Variants in LOC400499 observed in about 807,000 individuals in gnomAD.
the LOC400499 span, chr16:11,399,196 A>G: frequency 2.0e-6 from 2 of 984,742 alleles, no homozygotes; most frequent in African/African-American, 3.5e-5. Context: ...CCCCCTCCCG[A>G]GAAGCCCCCT....
chr16:11,443,368 G>C, the LOC400499 span: 1 of 408,786 alleles, frequency 2.4e-6, no homozygotes, highest in Admixed American at 3.1e-5. Flanking sequence ...ATGATCGGAG[G>C]GGTCTGTGCA....
the LOC400499 span, among the ~76,000 whole-genome samples, chr16:11,515,471 ATACGTACG>A: frequency 3.4e-5 from 5 of 145,118 alleles, no homozygotes; most frequent in African/African-American, 1.4e-4. Context: ...AAATACATAC[ATACGTACG>A]TACATACATA....
the LOC400499 span, chr16:11,471,847 G>A: frequency 5.0e-6 from 2 of 399,148 alleles, no homozygotes; most frequent in Non-Finnish European, 4.4e-6. Context: ...GGCAGCACTG[G>A]TCAGTGGAGA....
At chr16:11,506,698 A>G in the LOC400499 span, among the ~76,000 whole-genome samples, 1 of 151,942 alleles carries the variant, frequency 6.6e-6, no homozygotes, top group Non-Finnish European at 1.5e-5. Context: ...GGGCCTCTCT[A>G]TGGAAGGCCC....
chr16:11,483,889 T>A, the LOC400499 span, among the ~76,000 whole-genome samples: 1 of 150,552 alleles, frequency 6.6e-6, no homozygotes, highest in Admixed American at 6.6e-5. Flanking sequence ...AAGGACATGC[T>A]GTGTGATCTA....
chr16:11,392,763 C>G, the LOC400499 span: 10 of 983,960 alleles, frequency 1.0e-5, no homozygotes, highest in South Asian at 1.4e-4. Flanking sequence ...GACACCAAGG[C>G]AGGAGTACAG....
chr16:11,449,404 C>T, the LOC400499 span, among the ~76,000 whole-genome samples: 313 of 152,288 alleles, frequency 2.1e-3, 1 homozygote, highest in Non-Finnish European at 3.5e-3. Context: ...TTACTAGTAG[C>T]CAGGGTGTCT....
chr16:11,456,220 T>C, the LOC400499 span, among the ~76,000 whole-genome samples: 2 of 152,080 alleles, frequency 1.3e-5, no homozygotes, highest in African/African-American at 4.8e-5. Context: ...AATTTTTGTA[T>C]TTTTAGCAGA....
At chr16:11,477,775 T>C in the LOC400499 span, 1 of 398,436 alleles carries the variant, frequency 2.5e-6, no homozygotes, top group Non-Finnish European at 4.4e-6. Flanking sequence ...TCTGTAGGGA[T>C]GGGATCCCAC....
the LOC400499 span, among the ~76,000 whole-genome samples, chr16:11,416,946 CA>C: frequency 2.9e-3 from 438 of 152,222 alleles, 3 homozygotes; most frequent in African/African-American, 0.01. Flanking sequence ...CTTTGACTTT[CA>C]CCCTGTGTGA....
chr16:11,411,698 A>C, the LOC400499 span, among the ~76,000 whole-genome samples: 1 of 151,818 alleles, frequency 6.6e-6, no homozygotes. Flanking sequence ...GAGTCCATCA[A>C]TGAGCTTTCT....
the LOC400499 span, chr16:11,461,011 C>T: frequency 0.46 from 707,186 of 1,535,726 alleles, 170,992 homozygotes; most frequent in Non-Finnish European, 0.51. Flanking sequence ...GAGCTGGCCC[C>T]GTTGCTGCAG....
the LOC400499 span, among the ~76,000 whole-genome samples, chr16:11,453,381 C>G: frequency 1.3e-5 from 2 of 152,080 alleles, no homozygotes; most frequent in South Asian, 4.2e-4. Context: ...AGCACATATC[C>G]AAGGCTGGCT....
chr16:11,404,509 G>A, the LOC400499 span, among the ~76,000 whole-genome samples: 2 of 152,132 alleles, frequency 1.3e-5, no homozygotes, highest in East Asian at 1.9e-4. Context: ...ACCATGCCTG[G>A]CTAATTTTTG....
the LOC400499 span, among the ~76,000 whole-genome samples, chr16:11,453,008 T>C: frequency 6.6e-6 from 1 of 152,208 alleles, no homozygotes; most frequent in Non-Finnish European, 1.5e-5. Flanking sequence ...TCTCACTTTC[T>C]CCACTTTTAT....
chr16:11,466,162 T>G, the LOC400499 span, among the ~76,000 whole-genome samples: 1 of 152,156 alleles, frequency 6.6e-6, no homozygotes, highest in Admixed American at 6.6e-5. Flanking sequence ...CTCCATGTGC[T>G]GACTGTGTGC....
At chr16:11,414,359 G>C in the LOC400499 span, 2 of 399,296 alleles carry the variant, frequency 5.0e-6, no homozygotes, top group Admixed American at 8.8e-5. Flanking sequence ...GTGAAGGGCA[G>C]GCCCAGCCTC....
the LOC400499 span, chr16:11,384,874 G>C: frequency 1.6e-6 from 2 of 1,232,248 alleles, no homozygotes; most frequent in Non-Finnish European, 2.0e-6. Flanking sequence ...AACCCTCCTG[G>C]GGCCCAGACC....
the LOC400499 span, among the ~76,000 whole-genome samples, chr16:11,525,150 G>C: frequency 6.6e-6 from 1 of 152,006 alleles, no homozygotes; most frequent in Non-Finnish European, 1.5e-5. Context: ...CGGGCGTGGT[G>C]GTGCACACCT....
Sources: gnomAD v4.1 joint callset for allele counts (sites outside exome capture counted in the v4.1 genomes callset) on GRCh38, gnomAD v4.1.1 for gene constraint, MANE v1.5 for transcripts.